Variants in ATOSA observed in about 807,000 individuals in gnomAD.
ATOSA encodes the protein atos homolog protein A.
the ATOSA span, chr15:52,601,168 A>G: frequency 2.0e-6 from 3 of 1,531,122 alleles, no homozygotes; most frequent in Admixed American, 2.1e-5. Context: ...TGAGGAACCT[A>G]AGGTCAAAAC....
the ATOSA span, chr15:52,609,061 T>C: frequency 6.2e-7 from 1 of 1,613,518 alleles, no homozygotes; most frequent in South Asian, 1.1e-5. Context: ...GTTATTTTCT[T>C]TGTGCTGAGA....
At chr15:52,647,764 A>G in the ATOSA span, among the ~76,000 whole-genome samples, 29 of 152,332 alleles carry the variant, frequency 1.9e-4, no homozygotes, top group African/African-American at 6.7e-4. Context: ...AACAGAAACA[A>G]TAACACTACA....
At chr15:52,614,520 G>C in the ATOSA span, among the ~76,000 whole-genome samples, 1 of 151,970 alleles carries the variant, frequency 6.6e-6, no homozygotes, top group South Asian at 2.1e-4. Context: ...TCATTATTCA[G>C]AGATATCTAT....
the ATOSA span, among the ~76,000 whole-genome samples, chr15:52,672,059 A>G: frequency 1.3e-5 from 2 of 148,904 alleles, no homozygotes; most frequent in South Asian, 4.3e-4. Flanking sequence ...AGTCTGGGCC[A>G]GGTGCAATTC....
chr15:52,652,111 G>C, the ATOSA span: 1 of 1,382,258 alleles, frequency 7.2e-7, no homozygotes, highest in South Asian at 1.8e-5. Flanking sequence ...TGGACAGAGG[G>C]TGTGCTCAAC....
At chr15:52,689,803 G>A in the ATOSA span, among the ~76,000 whole-genome samples, 4 of 152,198 alleles carry the variant, frequency 2.6e-5, no homozygotes, top group African/African-American at 9.6e-5. Flanking sequence ...GTAGTGATGT[G>A]CATCAGACAT....
chr15:52,597,429 A>G, the ATOSA span, among the ~76,000 whole-genome samples: 1 of 152,368 alleles, frequency 6.6e-6, no homozygotes, highest in South Asian at 2.1e-4. Flanking sequence ...TCCATACAAC[A>G]GTAATAAAAA....
chr15:52,706,326 C>A, the ATOSA span, among the ~76,000 whole-genome samples: 10 of 152,190 alleles, frequency 6.6e-5, no homozygotes, highest in African/African-American at 2.2e-4. Flanking sequence ...AACACAGGAT[C>A]TTGACTAGCC....
the ATOSA span, among the ~76,000 whole-genome samples, chr15:52,642,809 C>T: frequency 6.6e-6 from 1 of 152,034 alleles, no homozygotes; most frequent in African/African-American, 2.4e-5. Context: ...AAAAAAAGAT[C>T]CTATTTATTT....
chr15:52,615,423 T>C, the ATOSA span, among the ~76,000 whole-genome samples: 1 of 152,184 alleles, frequency 6.6e-6, no homozygotes, highest in East Asian at 1.9e-4. Context: ...AAGCAACAAA[T>C]ATTTCAAGTG....
At chr15:52,680,155 C>CTA in the ATOSA span, among the ~76,000 whole-genome samples, 7 of 152,000 alleles carry the variant, frequency 4.6e-5, no homozygotes, top group African/African-American at 1.7e-4. Context: ...TGTTGTTGTG[C>CTA]TATAGCAATG....
At chr15:52,605,855 T>C in the ATOSA span, among the ~76,000 whole-genome samples, 1 of 152,092 alleles carries the variant, frequency 6.6e-6, no homozygotes, top group Non-Finnish European at 1.5e-5. Flanking sequence ...CCCCAGTGGA[T>C]GCCTGAAACC....
the ATOSA span, chr15:52,587,267 A>T: frequency 3.4e-5 from 49 of 1,454,490 alleles, no homozygotes; most frequent in East Asian, 9.4e-4. Flanking sequence ...GCATATGTAC[A>T]TAAAAGACTA....
At chr15:52,641,790 C>A in the ATOSA span, among the ~76,000 whole-genome samples, 1 of 152,202 alleles carries the variant, frequency 6.6e-6, no homozygotes, top group African/African-American at 2.4e-5. Context: ...TTTTTCCCCA[C>A]AAAGTAGTTT....
At chr15:52,652,016 G>A in the ATOSA span, 1 of 1,514,524 alleles carries the variant, frequency 6.6e-7, no homozygotes. Context: ...TCAGCGTTGG[G>A]TGCTGATCCC....
At chr15:52,691,987 A>C in the ATOSA span, among the ~76,000 whole-genome samples, 1,948 of 152,238 alleles carry the variant, frequency 0.013, 40 homozygotes, top group African/African-American at 0.045. Flanking sequence ...TCCTTAAATA[A>C]GCTGACCAGA....
the ATOSA span, among the ~76,000 whole-genome samples, chr15:52,652,209 G>A: frequency 6.6e-6 from 1 of 152,188 alleles, no homozygotes; most frequent in South Asian, 2.1e-4. Context: ...ACTCAGCTGT[G>A]TTTAGGCAAC....
At chr15:52,670,876 C>T in the ATOSA span, among the ~76,000 whole-genome samples, 1 of 152,238 alleles carries the variant, frequency 6.6e-6, no homozygotes, top group Non-Finnish European at 1.5e-5. Context: ...CCAGCTACAT[C>T]TTACAGATAA....
the ATOSA span, among the ~76,000 whole-genome samples, chr15:52,640,554 G>C: frequency 1.4e-5 from 1 of 73,824 alleles, no homozygotes; most frequent in Non-Finnish European, 2.3e-5. Flanking sequence ...CTGAGCAACA[G>C]AGCAAGACTC....
Sources: gnomAD v4.1 joint callset for allele counts (sites outside exome capture counted in the v4.1 genomes callset) on GRCh38, gnomAD v4.1.1 for gene constraint, MANE v1.5 for transcripts, NCBI Gene and HGNC (gene_info 2026-07-23, HGNC 2026-07-21) for gene names.